TAOK1: variants seen among roughly 807,000 people sequenced by gnomAD.
TAOK1 encodes the protein serine/threonine-protein kinase TAO1.
A neutral mutation model predicts 138.3 loss-of-function variants in TAOK1; 21 were observed. That is an observed-to-expected ratio of 0.15 (90% confidence interval 0.11 to 0.22). The LOEUF is 0.22. TAOK1 is among the 10% of genes least tolerant of loss of function. The pLI is 1.00. For synonymous variants in TAOK1, 361 were observed against 398.4 expected (o/e 0.91, Z 1.12); for missense variants, 651 against 1,227.7 (o/e 0.53, Z 7.02).
At chr17:29,541,203 A>G (rs943297465) in intron 19 of TAOK1, among the ~76,000 whole-genome samples, 3 of 151,934 alleles carry the variant, frequency 2.0e-5, no homozygotes, top group Admixed American at 1.3e-4. Context: ...TCTGCCTGCC[A>G]GGTTCAAGTG....
chr17:29,414,085 G>A (rs1228691753), intron 1 of TAOK1, among the ~76,000 whole-genome samples: 1 of 151,674 alleles, frequency 6.6e-6, no homozygotes, highest in East Asian at 1.9e-4. Flanking sequence ...GGGTTTCACT[G>A]TGTTAGCCAG....
intron 1 of TAOK1, among the ~76,000 whole-genome samples, chr17:29,446,864 G>C (rs2030093357): frequency 6.6e-6 from 1 of 151,016 alleles, no homozygotes; most frequent in Non-Finnish European, 1.5e-5. Flanking sequence ...TCAGCCTCCT[G>C]AGTAGCTGGG....
chr17:29,407,046 G>A (rs1463754090), intron 1 of TAOK1, among the ~76,000 whole-genome samples: 1 of 152,108 alleles, frequency 6.6e-6, no homozygotes, highest in Non-Finnish European at 1.5e-5. Flanking sequence ...ACAGGGTCTT[G>A]CTCTTTTGCC....
At chr17:29,457,421 T>C (rs1343828204) in intron 2 of TAOK1, among the ~76,000 whole-genome samples, 1 of 142,704 alleles carries the variant, frequency 7.0e-6, no homozygotes, top group Admixed American at 7.0e-5. Context: ...TTTTTTTTTT[T>C]TTGAGATGGA....
Position 29,534,246 on chromosome 17 carries a change from G to A in TAOK1, c.2490G>A (p.Glu830=), listed in dbSNP as rs200369114. The change falls in exon 19 of 20, where the codon GAG becomes GAA. Residue 830 remains glutamate (E), a synonymous_variant. Coordinates refer to ENST00000261716, the MANE Select transcript of TAOK1 (RefSeq NM_020791.4). ...AAGCTGAGGCACAACATGATCGAGAGCTTCGCGAGCTTGAACAGAGGGTCT... is the reference window on the plus strand; with the variant it reads ...AAGCTGAGGCACAACATGATCGAGAACTTCGCGAGCTTGAACAGAGGGTCT... ...KMQAEAQHDR[E]LRELEQRVSL... is the part of the protein sequence containing the mutation. 8.7e-6 allele frequency: 14 copies of A among 1,613,096 alleles called. No homozygotes were observed. The highest frequency in any genetic ancestry group is 3.3e-5 in the Admixed American group (2 of 59,886).
chr17:29,405,607 C>T (rs1036144696), intron 1 of TAOK1, among the ~76,000 whole-genome samples: 14 of 151,826 alleles, frequency 9.2e-5, no homozygotes, highest in Non-Finnish European at 8.8e-5. Flanking sequence ...GGTGAAACCC[C>T]GTCTCTACTA....
intron 1 of TAOK1, among the ~76,000 whole-genome samples, chr17:29,397,011 A>G (rs1186578282): frequency 5.3e-5 from 5 of 94,564 alleles, no homozygotes; most frequent in South Asian, 3.4e-4. Context: ...AAAAAAAAAA[A>G]GGGCTGGGCA....
chr17:29,507,392 C>A (rs1418342652), intron 13 of TAOK1, among the ~76,000 whole-genome samples: 1 of 151,180 alleles, frequency 6.6e-6, no homozygotes, highest in Non-Finnish European at 1.5e-5. Context: ...ACATTCAGTT[C>A]AAATGATCCT....
chr17:29,496,579 C>CTTTTT (rs748595265), intron 11 of TAOK1, among the ~76,000 whole-genome samples: 5 of 87,884 alleles, frequency 5.7e-5, no homozygotes, highest in South Asian at 4.4e-4. Flanking sequence ...CCATCTACAC[C>CTTTTT]TTTTTTTTTT....
intron 7 of TAOK1, among the ~76,000 whole-genome samples, chr17:29,480,733 G>C (rs1370035629): frequency 1.3e-5 from 2 of 151,838 alleles, no homozygotes; most frequent in Admixed American, 1.3e-4. Flanking sequence ...AGCCAGGCAT[G>C]GTGGTGCATG....
At chr17:29,401,959 T>G (rs1444520258) in intron 1 of TAOK1, among the ~76,000 whole-genome samples, 4 of 152,180 alleles carry the variant, frequency 2.6e-5, no homozygotes, top group Non-Finnish European at 5.9e-5. Context: ...CTAAAATTTC[T>G]TTTTTTACCT....
At chr17:29,452,305 G>C (rs2030260245) in intron 2 of TAOK1, among the ~76,000 whole-genome samples, 1 of 152,120 alleles carries the variant, frequency 6.6e-6, no homozygotes, top group Admixed American at 6.5e-5. Flanking sequence ...TACTTTTTTA[G>C]AATTCTTAGC....
At chr17:29,519,864 A>G (rs926451749) in intron 16 of TAOK1, among the ~76,000 whole-genome samples, 3 of 152,182 alleles carry the variant, frequency 2.0e-5, no homozygotes, top group Non-Finnish European at 4.4e-5. Flanking sequence ...CAGAAATAGT[A>G]ACATGATTCT....
intron 16 of TAOK1, among the ~76,000 whole-genome samples, chr17:29,521,544 G>A (rs941071959): frequency 6.6e-6 from 1 of 152,174 alleles, no homozygotes; most frequent in Middle Eastern, 3.2e-3. Flanking sequence ...AAGTAGCAGA[G>A]CCAGAATTTA....
intron 19 of TAOK1, among the ~76,000 whole-genome samples, chr17:29,535,666 C>A (rs1377850533): frequency 6.6e-6 from 1 of 151,980 alleles, no homozygotes; most frequent in Non-Finnish European, 1.5e-5. Flanking sequence ...CCAGCCTGGG[C>A]AACATGGCAA....
intron 12 of TAOK1, among the ~76,000 whole-genome samples, chr17:29,500,990 T>C (rs368868304): frequency 1.3e-5 from 2 of 152,046 alleles, no homozygotes; most frequent in African/African-American, 4.8e-5. Flanking sequence ...TAGAGAGTTA[T>C]TGCTAATGGA....
chr17:29,533,816 C>CCGTGGAAAGAGAGGG (rs2032173604), intron 18 of TAOK1, among the ~76,000 whole-genome samples: 1 of 54,132 alleles, frequency 1.8e-5, no homozygotes, highest in Non-Finnish European at 3.5e-5. Context: ...GGCTCGGCAT[C>CCGTGGAAAGAGAGGG]AGAGGGAGAC....
chr17:29,400,798 A>T (rs770758618), intron 1 of TAOK1, among the ~76,000 whole-genome samples: 3 of 152,092 alleles, frequency 2.0e-5, no homozygotes, highest in Non-Finnish European at 2.9e-5. Context: ...ATGGCTTGTA[A>T]ATTCAATTTA....
At chr17:29,442,604 G>A (rs151246665) in intron 1 of TAOK1, among the ~76,000 whole-genome samples, 7 of 152,142 alleles carry the variant, frequency 4.6e-5, no homozygotes, top group Non-Finnish European at 8.8e-5. Context: ...GTTTCTTCTT[G>A]ACTGTAATGT....
Sources: allele counts gnomAD v4.1 joint callset (sites outside exome capture counted in the v4.1 genomes callset), GRCh38; gene constraint gnomAD v4.1.1; transcripts MANE v1.5; gene names NCBI Gene and HGNC (gene_info 2026-07-23, HGNC 2026-07-21).